Variants in ARHGEF10 observed in about 807,000 individuals in gnomAD.
ARHGEF10 encodes Rho guanine nucleotide exchange factor 10.
ARHGEF10 carries 140 observed loss-of-function variants against 147.4 expected under a neutral mutation model. The ratio of observed to expected loss-of-function variants is 0.95; its 90% confidence interval spans 0.83 to 1.09. The LOEUF (loss-of-function observed/expected upper bound fraction) is 1.09, where lower values mean the gene tolerates loss of function less well. Ranked by LOEUF, ARHGEF10 falls within the 50% of genes least tolerant of loss-of-function variation. The pLI, the probability that ARHGEF10 is intolerant of heterozygous loss-of-function variation, is 0.00. For synonymous variants in ARHGEF10, 902 were observed against 695.8 expected (o/e 1.30, Z -4.67); for missense variants, 2,222 against 1,752.7 (o/e 1.27, Z -4.78).
At chr8:1,936,631 A>T (rs564850257) in intron 26 of ARHGEF10, among the ~76,000 whole-genome samples, 6 of 152,346 alleles carry the variant, frequency 3.9e-5, no homozygotes, top group African/African-American at 1.4e-4. Flanking sequence ...AAATCTACAC[A>T]AATCCAGAAA....
intron 9 of ARHGEF10, among the ~76,000 whole-genome samples, chr8:1,881,550 C>G (rs1273600139): frequency 1.3e-5 from 2 of 149,450 alleles, no homozygotes; most frequent in Non-Finnish European, 3.0e-5. Flanking sequence ...TTGGGAGATG[C>G]AGGAGCAGGG....
rs944342556 is a variant in ARHGEF10, at chr8:1,908,385, C to T, written c.1968-910C>T. The stretch of plus-strand genomic sequence containing the variant: ...AGCTGGGACTACAGGCACCCACCAC[C>T]ACACCCAGCTAATTTTTTAAATATT... On this transcript the variant is annotated intron_variant, in intron 17 of 28. Transcript: ENST00000349830. Among the ~76,000 whole-genome samples, 36 of 152,124 alleles carry T rather than the reference C, an allele frequency of 2.4e-4. 1 individual carries two copies. The highest frequency in any genetic ancestry group is 1.5e-4 in the Non-Finnish European group (10 of 68,022).
rs183282049 is a variant in ARHGEF10, at chr8:1,911,469, A to G, written c.2143+1999A>G. On this transcript the variant is annotated intron_variant, in intron 18 of 28. Transcript: ENST00000349830. Reference sequence around the variant, plus strand: ...AAGAAACTTTTAAAACAAATTATTTAAAATGTGCTAATTCTGTATGTGTCT... The same window carrying G: ...AAGAAACTTTTAAAACAAATTATTTGAAATGTGCTAATTCTGTATGTGTCT... 2.1e-3 allele frequency among the ~76,000 whole-genome samples: 319 copies of G among 152,358 alleles called. 2 individuals are homozygous for G. Among genetic ancestry groups the G allele is most frequent in the African/African-American group, 6.8e-3 (281 of 41,580 alleles).
At chr8:1,888,146 T>G (rs796460994) in intron 11 of ARHGEF10, among the ~76,000 whole-genome samples, 446 of 35,114 alleles carry the variant, frequency 0.013, 25 homozygotes, top group East Asian at 0.059. Context: ...AGGAGACACT[T>G]AGTGGGGCGA....
intron 1 of ARHGEF10, among the ~76,000 whole-genome samples, chr8:1,839,386 TGGGACTGTCTGCTGTG>T (rs1803809862): frequency 1.8e-5 from 2 of 109,424 alleles, no homozygotes; most frequent in African/African-American, 4.0e-5. Flanking sequence ...CTGTCTGGTG[TGGGACTGTCTGCTGTG>T]GGGACTGTCT....
intron 2 of ARHGEF10, among the ~76,000 whole-genome samples, chr8:1,848,928 A>T (rs1804759479): frequency 6.6e-6 from 1 of 152,088 alleles, no homozygotes; most frequent in African/African-American, 2.4e-5. Context: ...AAAGTGAGAG[A>T]TTAAGTTTTT....
intron 9 of ARHGEF10, among the ~76,000 whole-genome samples, chr8:1,881,244 C>A (rs758090790): frequency 4.7e-5 from 7 of 148,626 alleles, no homozygotes; most frequent in Admixed American, 2.0e-4. Flanking sequence ...GAGTCCTGGC[C>A]GAGGCTGTGA....
chr8:1,859,755 C>T (rs1805937596), intron 3 of ARHGEF10, 142 bp from the exon 4 acceptor site: 6 of 1,011,420 alleles, frequency 5.9e-6, no homozygotes, highest in Non-Finnish European at 9.0e-6. Flanking sequence ...TCCGAGGCCA[C>T]CTGATGACCT....
intron 27 of ARHGEF10, among the ~76,000 whole-genome samples, chr8:1,947,414 T>G (rs1814681360): frequency 6.6e-6 from 1 of 152,170 alleles, no homozygotes; most frequent in South Asian, 2.1e-4. Flanking sequence ...ATCCTTGGTG[T>G]TTATCCCTCT....
At chr8:1,824,231 C>T (rs1563137748) in intron 1 of ARHGEF10, 118 bp downstream of exon 1, 1 of 152,168 alleles carries the variant, frequency 6.6e-6, no homozygotes, top group Non-Finnish European at 1.5e-5. Flanking sequence ...TGGCTGCGCC[C>T]CCGACCCCCT....
In ARHGEF10 at chr8:1,885,680, G is replaced by A. The variant is rs1391410836; in HGVS notation, c.1155G>A (p.Pro385=). 3.7e-6 allele frequency: 6 copies of A among 1,613,788 alleles called. No homozygotes were observed. Among genetic ancestry groups the A allele is most frequent in the Middle Eastern group, 1.6e-4 (1 of 6,084 alleles). ...AGCACCCGGAAGCCATCTTGACCCC[G>A]ATGCCCGAGGGTTTATCTCAGCAGC... ...DCKHPEAILT[P]MPEGLSQQQV... is the part of the protein sequence containing the mutation. Residue 385 remains proline, a synonymous_variant, in exon 11 of 29, where the codon CCG becomes CCA. Coordinates refer to ENST00000349830, the MANE Select transcript of ARHGEF10 (RefSeq NM_014629.4).
At chr8:1,887,710 GGGT>G in intron 11 of ARHGEF10, among the ~76,000 whole-genome samples, 1 of 151,584 alleles carries the variant, frequency 6.6e-6, no homozygotes, top group African/African-American at 2.4e-5. Flanking sequence ...AGTGGGATGA[GGGT>G]TTGTGAGAAG....
intron 12 of ARHGEF10, 28 bp from the exon 13 acceptor site, chr8:1,894,365 T>A (rs1284933062): frequency 6.2e-7 from 1 of 1,613,624 alleles, no homozygotes; most frequent in East Asian, 2.2e-5. Flanking sequence ...AAGAAAAGTC[T>A]GAACTGTCTT....
chr8:1,882,313 G>A (rs1289320893), intron 9 of ARHGEF10, among the ~76,000 whole-genome samples: 1 of 152,198 alleles, frequency 6.6e-6, no homozygotes, highest in Non-Finnish European at 1.5e-5. Flanking sequence ...CATTTAATTC[G>A]AGGCGAGTTG....
At chr8:1,943,446 C>G (rs1350022902) in intron 26 of ARHGEF10, 1 of 152,154 alleles carries the variant, frequency 6.6e-6, no homozygotes, top group Non-Finnish European at 1.5e-5. Flanking sequence ...ACGCAGGAGG[C>G]CAAGTCAGAG....
At chr8:1,823,701 G>C (rs921333018), upstream of ARHGEF10, among the ~76,000 whole-genome samples, 6 of 151,904 alleles carry the variant, frequency 3.9e-5, no homozygotes, top group Admixed American at 3.3e-4. Flanking sequence ...GAGATGATCC[G>C]GGGGCGGGAG....
intron 26 of ARHGEF10, among the ~76,000 whole-genome samples, chr8:1,944,499 G>C (rs970659998): frequency 1.3e-5 from 2 of 152,238 alleles, no homozygotes; most frequent in African/African-American, 4.8e-5. Context: ...CGCAGGATGG[G>C]GTTTGGTGCC....
chr8:1,876,304 G>C (rs1447868529), intron 7 of ARHGEF10: 8 of 531,186 alleles, frequency 1.5e-5, no homozygotes, highest in Non-Finnish European at 2.4e-5. Flanking sequence ...CCCATAGCCA[G>C]GTGGTCCTCG....
chr8:1,881,847 G>A (rs1447099732), intron 9 of ARHGEF10, among the ~76,000 whole-genome samples: 1 of 152,196 alleles, frequency 6.6e-6, no homozygotes, highest in Non-Finnish European at 1.5e-5. Flanking sequence ...CCCTGGGATG[G>A]GGACATCGGT....
Sources: allele counts gnomAD v4.1 joint callset (sites outside exome capture counted in the v4.1 genomes callset), GRCh38; gene constraint gnomAD v4.1.1; transcripts MANE v1.5; gene names NCBI Gene and HGNC (gene_info 2026-07-23, HGNC 2026-07-21).